Variants in FUT9 observed in about 807,000 individuals in gnomAD.
The protein encoded by FUT9 is fucosyltransferase 9, also known as 4-galactosyl-N-acetylglucosaminide 3-alpha-L-fucosyltransferase 9.
FUT9 carries 15 observed loss-of-function variants against 29.7 expected under a neutral mutation model. The observed-to-expected ratio is 0.51, with a 90% CI of 0.34 to 0.78. FUT9 has a LOEUF of 0.78. Ranked by LOEUF, FUT9 falls within the 30% of genes least tolerant of loss-of-function variation. FUT9 has a pLI of 0.01. For synonymous variants in FUT9, 169 were observed against 153.7 expected (o/e 1.10, Z -0.74); for missense variants, 319 against 425.4 (o/e 0.75, Z 2.20).
chr6:96,171,593 C>T (rs914203591), intron 2 of FUT9, among the ~76,000 whole-genome samples: 2 of 152,170 alleles, frequency 1.3e-5, no homozygotes, highest in Admixed American at 6.5e-5. Context: ...TTTTGTTGCT[C>T]CGTGCATACC....
chr6:96,040,886 TTTTA>T (rs1770448239), intron 1 of FUT9, among the ~76,000 whole-genome samples: 2 of 152,168 alleles, frequency 1.3e-5, no homozygotes, highest in African/African-American at 4.8e-5. Context: ...TTTTTATCAC[TTTTA>T]TTTGTTTCTA....
intron 2 of FUT9, among the ~76,000 whole-genome samples, chr6:96,145,731 G>A (rs1266953817): frequency 2.0e-5 from 3 of 152,206 alleles, no homozygotes; most frequent in East Asian, 1.9e-4. Flanking sequence ...GGCTGCGCAC[G>A]GCTTGTTGGG....
intron 2 of FUT9, among the ~76,000 whole-genome samples, chr6:96,175,627 C>T (rs1242069332): frequency 6.6e-6 from 1 of 152,048 alleles, no homozygotes; most frequent in African/African-American, 2.4e-5. Context: ...ACTACTCTGC[C>T]CTTCTACCTG....
At chr6:96,193,484 A>C (rs1279810077) in intron 2 of FUT9, among the ~76,000 whole-genome samples, 5 of 36,620 alleles carry the variant, frequency 1.4e-4, no homozygotes, top group African/African-American at 2.8e-4. Context: ...AGAGAAATGC[A>C]AATCAAAACA....
chr6:96,121,383 T>G (rs535832675), intron 2 of FUT9, among the ~76,000 whole-genome samples: 1 of 152,152 alleles, frequency 6.6e-6, no homozygotes, highest in Non-Finnish European at 1.5e-5. Context: ...TTAAGTTTTA[T>G]TTTTAGAGAC....
intron 1 of FUT9, among the ~76,000 whole-genome samples, chr6:96,048,652 G>A (rs1486066595): frequency 1.3e-5 from 2 of 152,190 alleles, no homozygotes; most frequent in African/African-American, 4.8e-5. Flanking sequence ...TCTGGGAGGA[G>A]ATGAGTGTAT....
intron 2 of FUT9, among the ~76,000 whole-genome samples, chr6:96,175,081 A>G (rs1211668013): frequency 1.3e-5 from 2 of 152,042 alleles, no homozygotes; most frequent in African/African-American, 4.8e-5. Context: ...GCTAGATTGA[A>G]GACTTTTTTT....
At chr6:96,026,885 C>G (rs1369267755) in intron 1 of FUT9, among the ~76,000 whole-genome samples, 1 of 151,580 alleles carries the variant, frequency 6.6e-6, no homozygotes, top group East Asian at 1.9e-4. Flanking sequence ...GCTTATTACT[C>G]TTCGTACTCC....
At chr6:96,158,804 A>G (rs1022662288) in intron 2 of FUT9, among the ~76,000 whole-genome samples, 6 of 152,006 alleles carry the variant, frequency 3.9e-5, no homozygotes, top group Non-Finnish European at 7.4e-5. Flanking sequence ...TCCTGAATCA[A>G]CCTCTTAGGC....
intron 1 of FUT9, among the ~76,000 whole-genome samples, chr6:96,075,246 G>C (rs1233982758): frequency 6.6e-6 from 1 of 152,144 alleles, no homozygotes; most frequent in Non-Finnish European, 1.5e-5. Context: ...TAGGAGCCAA[G>C]TTTGAAACTA....
intron 1 of FUT9, among the ~76,000 whole-genome samples, chr6:96,043,702 TA>T (rs1204128777): frequency 1.3e-5 from 2 of 152,248 alleles, no homozygotes; most frequent in East Asian, 3.8e-4. Flanking sequence ...TATTATTTTT[TA>T]ATAGTTGGAA....
At chr6:96,060,097 T>C (rs149901143) in intron 1 of FUT9, among the ~76,000 whole-genome samples, 4 of 152,332 alleles carry the variant, frequency 2.6e-5, no homozygotes, top group African/African-American at 9.6e-5. Context: ...AAGCTACACC[T>C]TACAAAATTT....
chr6:96,204,021 T>C lies in FUT9; in HGVS notation c.866T>C (p.Val289Ala). The C allele has an allele frequency of 6.2e-7, 1 of 1,606,492 alleles. No individual in the cohort carries two copies. Among genetic ancestry groups the C allele is most frequent in the East Asian group, 2.2e-5 (1 of 44,800 alleles). Reference protein sequence around the residue: ...NYIPADSFIHVEDYNSPSELA... With the variant: ...NYIPADSFIHAEDYNSPSELA... ...ATTCCAGCAGATTCATTCATTCATG[T>C]GGAAGATTATAACTCTCCCAGTGAG... Residue 289 changes from valine (V) to alanine (A), a missense_variant, in exon 3 of 3, where the codon GTG (valine) becomes GCG (alanine). Transcript: ENST00000302103.
chr6:96,035,812 A>C (rs1214041554), intron 1 of FUT9, among the ~76,000 whole-genome samples: 3 of 134,862 alleles, frequency 2.2e-5, no homozygotes, highest in Non-Finnish European at 4.7e-5. Flanking sequence ...AATATAATAC[A>C]TATAATATAT....
intron 1 of FUT9, among the ~76,000 whole-genome samples, chr6:96,103,038 G>A (rs1205393199): frequency 2.6e-5 from 4 of 152,158 alleles, no homozygotes; most frequent in African/African-American, 9.7e-5. Flanking sequence ...TGGGCTATGG[G>A]AAAATAGCAG....
At position 96,206,700 on chromosome 6, in the gene FUT9, G is replaced by A. The variant is rs1199319159; in HGVS notation, c.*2465G>A. On this transcript the variant is annotated 3_prime_UTR_variant, in exon 3 of 3. Coordinates refer to ENST00000302103, the MANE Select transcript of FUT9 (RefSeq NM_006581.4). ...TGGTCTTGAACTCCTGACCTCAAAT[G>A]ATCCACTTGCCTCAGCCTCCCAAAG... 6.1e-6 allele frequency: 1 copy of A among 164,534 alleles called. No individual in the cohort carries two copies. Among genetic ancestry groups the A allele is most frequent in the Non-Finnish European group, 1.5e-5 (1 of 68,210 alleles). The allele number at this position is 164,534 out of a possible 1,614,324, so 10.2% of individuals were successfully genotyped here.
At chr6:96,116,795 T>C (rs1250921318) in intron 2 of FUT9, among the ~76,000 whole-genome samples, 1 of 151,790 alleles carries the variant, frequency 6.6e-6, no homozygotes. Flanking sequence ...ATATATTGAG[T>C]TGGAGTTATA....
At chr6:96,093,911 A>G (rs1489846290) in intron 1 of FUT9, among the ~76,000 whole-genome samples, 5 of 152,140 alleles carry the variant, frequency 3.3e-5, no homozygotes, top group African/African-American at 1.2e-4. Context: ...GTCAAAAATA[A>G]AATCCACATC....
chr6:96,102,692 T>A (rs1421240369), intron 1 of FUT9, among the ~76,000 whole-genome samples: 1 of 152,156 alleles, frequency 6.6e-6, no homozygotes, highest in East Asian at 1.9e-4. Context: ...GCTTCTTAAT[T>A]TTCTTTTTTT....
Sources: allele counts gnomAD v4.1 joint callset (sites outside exome capture counted in the v4.1 genomes callset), GRCh38; gene constraint gnomAD v4.1.1; transcripts MANE v1.5; gene names NCBI Gene and HGNC (gene_info 2026-07-23, HGNC 2026-07-21).